Variants in CEP290 observed in about 807,000 individuals in gnomAD.
CEP290 encodes centrosomal protein of 290 kDa.
Under a neutral mutation model 344.9 loss-of-function variants are expected in CEP290, and 317 were observed. The ratio of observed to expected loss-of-function variants is 0.92; its 90% CI spans 0.84 to 1.01. The LOEUF is 1.01. CEP290 is among the 50% of genes least tolerant of loss of function. The pLI, the probability that CEP290 is intolerant of heterozygous loss-of-function variation, is 0.00. For synonymous variants in CEP290, 932 were observed against 895.8 expected, an observed-to-expected ratio of 1.04 and a Z score of -0.72; for missense variants, 2,754 against 2,761.4, an observed-to-expected ratio of 1.00 and a Z score of 0.06.
chr12:88,090,258 A>G (rs1440870210), intron 30 of CEP290, among the ~76,000 whole-genome samples: 2 of 152,196 alleles, frequency 1.3e-5, no homozygotes, highest in African/African-American at 2.4e-5. Flanking sequence ...TTACTGAACA[A>G]TATTTCAAAT....
Position 88,130,504 on chromosome 12 carries a change from T to C in CEP290, c.516+41A>G, listed in dbSNP as rs752329855. ...TCCTCTAAATAGTGCTCTCACAACA[T>C]ATTTTAAATTCCCAAGATTTCACCA... On this transcript the variant is annotated intron_variant, in intron 8 of 53. Transcript: ENST00000552810. The C allele has an allele frequency of 1.1e-5, 17 of 1,593,072 alleles. No homozygotes were observed. The African/African-American group carries it at 2.0e-4, about 19-fold the overall frequency.
At chr12:88,120,395 T>C (rs2039331867) in intron 14 of CEP290, 119 bp from the exon 15 acceptor site, 1 of 464,232 alleles carries the variant, frequency 2.2e-6, no homozygotes, top group Non-Finnish European at 3.7e-6. Flanking sequence ...ATAATTTATA[T>C]CATTACACTG....
intron 19 of CEP290, among the ~76,000 whole-genome samples, 167 bp from the exon 20 acceptor site, chr12:88,114,729 G>A (rs954026627): frequency 2.6e-5 from 4 of 152,206 alleles, no homozygotes; most frequent in Admixed American, 2.0e-4. Context: ...GAATAGTTGA[G>A]TTAAATGACA....
At chr12:88,082,645 G>A (rs1313583913) in intron 37 of CEP290, among the ~76,000 whole-genome samples, 1 of 152,148 alleles carries the variant, frequency 6.6e-6, no homozygotes, top group Non-Finnish European at 1.5e-5. Context: ...AGTGAGCTGA[G>A]ATTATGTCAC....
At chr12:88,065,609 A>G (rs563729968) in intron 44 of CEP290, among the ~76,000 whole-genome samples, 73 of 152,124 alleles carry the variant, frequency 4.8e-4, no homozygotes, top group Non-Finnish European at 8.7e-4. Context: ...CTATCTCCCA[A>G]ACTTCCTGTC....
At chr12:88,084,269 G>A (rs2137175990) in intron 35 of CEP290, among the ~76,000 whole-genome samples, 1 of 152,098 alleles carries the variant, frequency 6.6e-6, no homozygotes, top group Admixed American at 6.6e-5. Context: ...GATTTCTACT[G>A]ATTACCGGTG....
rs1161338332 is a variant in CEP290, at chr12:88,137,690, G to C, written c.298-904C>G. ...TCCTCCTTTCCATCTCCTTGGCTTAGCTGCAATTTGGATCCTTTAGTATAC... is the reference window on the plus strand; with the variant it reads ...TCCTCCTTTCCATCTCCTTGGCTTACCTGCAATTTGGATCCTTTAGTATAC... On this transcript the variant is annotated intron_variant, in intron 5 of 53. Transcript: ENST00000552810. 2.6e-5 allele frequency among the ~76,000 whole-genome samples: 4 copies of C among 152,092 alleles called. No individual in the cohort carries two copies. In the East Asian group the frequency reaches 7.7e-4, roughly 29 times the overall value.
intron 8 of CEP290, 43 bp downstream of exon 8, chr12:88,130,502 C>T (rs754553412): frequency 1.3e-6 from 2 of 1,592,472 alleles, no homozygotes; most frequent in East Asian, 4.5e-5. Context: ...GCTCTCACAA[C>T]ATATTTTAAA....
chr12:88,086,045 T>C lies in CEP290; in HGVS notation c.4431A>G (p.Leu1477=), dbSNP rs1435937461. The C allele has an allele frequency of 3.1e-6, 5 of 1,609,486 alleles. No individual in the cohort carries two copies. The highest frequency in any genetic ancestry group is 1.3e-5 in the African/African-American group (1 of 74,868). ...TGCAAATTCTTCTAATTACCTCTTCTAGTGATTTGCAAGTTGCCCGTGTTT... is the reference window on the plus strand; with the variant it reads ...TGCAAATTCTTCTAATTACCTCTTCCAGTGATTTGCAAGTTGCCCGTGTTT... ...ILETRATCKS[L]EEKLKEKESA... The change falls in exon 34 of 54, where the codon CTA becomes CTG. Residue 1477 remains leucine, a synonymous_variant. Transcript: ENST00000552810.
At chr12:88,082,216 G>A (rs1321334030) in intron 37 of CEP290, among the ~76,000 whole-genome samples, 2 of 152,156 alleles carry the variant, frequency 1.3e-5, no homozygotes, top group African/African-American at 2.4e-5. Flanking sequence ...TCTACGTTCT[G>A]ATAAAGTGGT....
chr12:88,084,695 T>C lies in CEP290; in HGVS notation c.4595A>G (p.His1532Arg). 6.2e-7 allele frequency: 1 copy of C among 1,613,428 alleles called. No individual in the cohort carries two copies. The highest frequency in any genetic ancestry group is 8.5e-7 in the Non-Finnish European group (1 of 1,179,372). Residue 1532 changes from histidine (H) to arginine (R), a missense_variant, in exon 35 of 54, where the codon CAC (histidine) becomes CGC (arginine). Transcript: ENST00000552810. ...LGRKEMEPKS[H>R]HTLKIAHQTI... ...TTGATGAGCAATTTTCAATGTGTGGTGAGATTTTGGTTCCATCTCTTTTCT... is the reference window on the plus strand; with the variant it reads ...TTGATGAGCAATTTTCAATGTGTGGCGAGATTTTGGTTCCATCTCTTTTCT...
In CEP290 at chr12:88,058,875, T is replaced by C. The variant is rs535571590; in HGVS notation, c.6791A>G (p.Lys2264Arg). The C allele has an allele frequency of 2.0e-5, 32 of 1,613,932 alleles. No homozygotes were observed. In the South Asian group the frequency reaches 3.1e-4, roughly 16 times the overall value. The part of the protein sequence containing the change: ...RGPQLEGADS[K>R]SWKSIVVTRM... Reference sequence around the variant, plus strand: ...TGTAACCACAATGGATTTCCAGCTCTTACTGTCAGCACCTTCAAGCTGTGG... The same window carrying C: ...TGTAACCACAATGGATTTCCAGCTCCTACTGTCAGCACCTTCAAGCTGTGG... The change falls in exon 49 of 54, where the codon AAG becomes AGG. Residue 2264 changes from lysine (K) to arginine (R), a missense_variant. Lys to Arg is a conservative substitution (Grantham distance 26). Coordinates refer to ENST00000552810, the MANE Select transcript of CEP290 (RefSeq NM_025114.4).
chr12:88,123,826 A>G (rs2039565159), intron 13 of CEP290, among the ~76,000 whole-genome samples: 1 of 151,932 alleles, frequency 6.6e-6, no homozygotes, highest in Non-Finnish European at 1.5e-5. Flanking sequence ...CTCAAACCTA[A>G]CATGTCTAAA....
intron 30 of CEP290, among the ~76,000 whole-genome samples, chr12:88,090,201 T>C (rs921160979): frequency 6.6e-6 from 1 of 152,244 alleles, no homozygotes; most frequent in Non-Finnish European, 1.5e-5. Flanking sequence ...GTCCTAATTT[T>C]GATCAGCAGC....
At chr12:88,135,849 A>G (rs1281238079) in intron 6 of CEP290, 2 of 152,168 alleles carry the variant, frequency 1.3e-5, no homozygotes, top group African/African-American at 2.4e-5. Context: ...CAGTTACCAC[A>G]TGTAGGCACC....
rs756825642 is a variant in CEP290 at position 88,104,764 on chromosome 12, CTGT to C, written c.2818-1756_2818-1754del. 3.3e-5 allele frequency among the ~76,000 whole-genome samples: 5 copies of C among 152,036 alleles called. No individual in the cohort carries two copies. The East Asian group carries it at 7.7e-4, about 24-fold the overall frequency. ...CTTTAAACTATGTTTGGCAGCAGTG[CTGT>C]TGTTGTTACTATTAATATCAATTCA... On this transcript the variant is annotated intron_variant, in intron 25 of 53. Transcript: ENST00000552810.
At chr12:88,114,398 T>G (rs1340773532) in intron 20 of CEP290, 22 bp downstream of exon 20, 1 of 1,528,986 alleles carries the variant, frequency 6.5e-7, no homozygotes, top group Non-Finnish European at 8.8e-7. Context: ...GGAAAAACAT[T>G]AACATGAAAA....
Position 88,068,504 on chromosome 12 carries a change from TA to T in CEP290, c.6135+17del. The T allele has an allele frequency of 7.1e-7, 1 of 1,399,836 alleles. No individual in the cohort carries two copies. The highest frequency in any genetic ancestry group is 3.1e-5 in the Admixed American group (1 of 32,546). 86.7% of individuals were successfully genotyped at this position (1,399,836 alleles called of 1,614,324 possible). On this transcript the variant is annotated intron_variant, in intron 44 of 53. Transcript: ENST00000552810. Reference sequence around the variant, plus strand: ...TAACATGGAAAAAAGAAAAAAATAATAAAAGATATACACTTACTGAAGGCTT... The same window carrying T: ...TAACATGGAAAAAAGAAAAAAATAATAAAGATATACACTTACTGAAGGCTT...
chr12:88,088,239 A>G (rs1361847488), intron 31 of CEP290, among the ~76,000 whole-genome samples: 1 of 152,184 alleles, frequency 6.6e-6, no homozygotes, highest in Non-Finnish European at 1.5e-5. Context: ...AGGTCATTGG[A>G]ACTTTGGTAT....
Sources: allele counts gnomAD v4.1 joint callset (sites outside exome capture counted in the v4.1 genomes callset), GRCh38; gene constraint gnomAD v4.1.1; transcripts MANE v1.5; gene names NCBI Gene and HGNC (gene_info 2026-07-23, HGNC 2026-07-21).